The following ACSM3 variants were observed in gnomAD, a reference collection of about 807,000 sequenced individuals.
ACSM3 encodes the protein acyl-CoA synthetase medium chain family member 3.
A neutral mutation model predicts 74.1 loss-of-function variants in ACSM3; 61 were observed. The ratio of observed to expected loss-of-function variants is 0.82; its 90% CI spans 0.67 to 1.02. The LOEUF is 1.02. ACSM3 is among the 50% of genes least tolerant of loss of function. ACSM3 has a pLI of 0.00. For missense variants in ACSM3, 660 were observed against 697.0 expected (o/e 0.95, Z 0.60); for synonymous variants, 213 against 241.5 (o/e 0.88, Z 1.09).
chr16:20,729,130 C>A, intron 1 of ACSM3: 1 of 516,522 alleles, frequency 1.9e-6, no homozygotes, highest in Non-Finnish European at 3.6e-6. Flanking sequence ...AAATAATTTC[C>A]TTTAGAAGTA....
intron 8 of ACSM3, among the ~76,000 whole-genome samples, chr16:20,785,814 T>C (rs1435671631): frequency 6.6e-6 from 1 of 152,172 alleles, no homozygotes; most frequent in Non-Finnish European, 1.5e-5. Flanking sequence ...AGAAATAGCA[T>C]AACAAGTATG....
chr16:20,748,589 G>A (rs940910759), intron 1 of ACSM3, among the ~76,000 whole-genome samples: 1 of 152,162 alleles, frequency 6.6e-6, no homozygotes, highest in Admixed American at 6.5e-5. Context: ...CTGCTGTTTT[G>A]TTGTAGCTGT....
At chr16:20,761,854 A>G (rs921185055), upstream of ACSM3, among the ~76,000 whole-genome samples, 2 of 152,206 alleles carry the variant, frequency 1.3e-5, no homozygotes, top group African/African-American at 4.8e-5. Flanking sequence ...CTCTAGGAAC[A>G]CTTGACTGGT....
intron 1 of ACSM3, chr16:20,733,984 G>A (rs2079847599): frequency 6.6e-6 from 1 of 152,116 alleles, no homozygotes; most frequent in Admixed American, 6.6e-5. Flanking sequence ...ATGCTCAAAT[G>A]TCAGTGAAAA....
intron 1 of ACSM3, among the ~76,000 whole-genome samples, chr16:20,695,586 TTATC>T (rs773903857): frequency 1.1e-4 from 17 of 152,232 alleles, no homozygotes; most frequent in East Asian, 9.6e-4. Context: ...TACCTATCTA[TTATC>T]TATCTATCAT....
intron 1 of ACSM3, chr16:20,725,541 T>A (rs569230390): frequency 1.2e-5 from 2 of 160,064 alleles, no homozygotes; most frequent in Admixed American, 1.3e-4. Flanking sequence ...ACTTTCTGAG[T>A]CTTACCACTA....
At chr16:20,778,887 A>T (rs2080293124) in intron 4 of ACSM3, among the ~76,000 whole-genome samples, 1 of 151,958 alleles carries the variant, frequency 6.6e-6, no homozygotes, top group South Asian at 2.1e-4. Context: ...AGTAGTTGGG[A>T]TTACAGGCAC....
intron 4 of ACSM3, 105 bp downstream of exon 4, chr16:20,777,685 G>A (rs946764078): frequency 1.0e-5 from 10 of 983,546 alleles, no homozygotes; most frequent in South Asian, 4.7e-5. Context: ...AAAACAACAG[G>A]CAAAGGGAAC....
intron 2 of ACSM3, among the ~76,000 whole-genome samples, chr16:20,772,630 G>T (rs1320879233): frequency 6.6e-6 from 1 of 152,172 alleles, no homozygotes; most frequent in East Asian, 1.9e-4. Context: ...TTTCCTCAGT[G>T]TATGTTCTTG....
At chr16:20,741,780 T>C (rs757178510) in intron 1 of ACSM3, 9 of 1,549,622 alleles carry the variant, frequency 5.8e-6, no homozygotes, top group Non-Finnish European at 7.8e-6. Flanking sequence ...GTTTCTCCGC[T>C]GCTGTTGGCG....
intron 2 of ACSM3, among the ~76,000 whole-genome samples, chr16:20,771,277 C>G (rs932012524): frequency 2.0e-5 from 3 of 151,878 alleles, no homozygotes; most frequent in Non-Finnish European, 4.4e-5. Flanking sequence ...GCCAGGCTGA[C>G]CTTGAACTCC....
intron 1 of ACSM3, among the ~76,000 whole-genome samples, chr16:20,743,165 C>A (rs1391404677): frequency 6.6e-6 from 1 of 151,976 alleles, no homozygotes; most frequent in Non-Finnish European, 1.5e-5. Flanking sequence ...GTCTCAATCT[C>A]CTGACCTCGT....
rs556320271 is a variant in ACSM3, at chr16:20,687,863, C to T, written c.-190+13041C>T. 5.9e-5 allele frequency among the ~76,000 whole-genome samples: 9 copies of T among 152,242 alleles called. No homozygotes were observed. In the South Asian group the frequency reaches 1.4e-3, roughly 25 times the overall value. On this transcript the variant is annotated intron_variant, in intron 1 of 3. Coordinates refer to the ACSM3 transcript ENST00000561584. ...CTTTGGGAGGCCGAGGCTACCGGAT[C>T]ACTTGAGGTCAGGAGTTTGAGACCA...
intron 1 of ACSM3, among the ~76,000 whole-genome samples, chr16:20,677,520 A>G (rs1217641652): frequency 6.6e-6 from 1 of 152,208 alleles, no homozygotes; most frequent in Non-Finnish European, 1.5e-5. Flanking sequence ...CTTGCTCCTC[A>G]TCAAGTCAGT....
At chr16:20,736,127 A>G (rs1444228480) in intron 1 of ACSM3, 1 of 152,252 alleles carries the variant, frequency 6.6e-6, no homozygotes, top group Non-Finnish European at 1.5e-5. Context: ...CAGACAATGC[A>G]CAATGGGACA....
intron 2 of ACSM3, among the ~76,000 whole-genome samples, chr16:20,775,060 A>G (rs2080239456): frequency 6.6e-6 from 1 of 151,982 alleles, no homozygotes; most frequent in Non-Finnish European, 1.5e-5. Context: ...TGGGGTGTAG[A>G]GTGCTGTGTG....
chr16:20,754,574 A>C (rs973773892), intron 2 of ACSM3, among the ~76,000 whole-genome samples: 2 of 152,268 alleles, frequency 1.3e-5, no homozygotes, highest in African/African-American at 2.4e-5. Flanking sequence ...TTCACCCTAT[A>C]AACACCCTCC....
At chr16:20,678,643 T>TAC (rs2079367188) in intron 1 of ACSM3, among the ~76,000 whole-genome samples, 1 of 152,240 alleles carries the variant, frequency 6.6e-6, no homozygotes, top group Admixed American at 6.5e-5. Flanking sequence ...TGCCTCTAAC[T>TAC]CTAAGATCTC....
intron 1 of ACSM3, among the ~76,000 whole-genome samples, chr16:20,765,702 A>G (rs1345588011): frequency 1.3e-5 from 2 of 152,230 alleles, no homozygotes; most frequent in East Asian, 1.9e-4. Flanking sequence ...CAAGTGTTCA[A>G]TAAATACACG....
Sources: allele counts gnomAD v4.1 joint callset (sites outside exome capture counted in the v4.1 genomes callset), GRCh38; gene constraint gnomAD v4.1.1; transcripts MANE v1.5; gene names NCBI Gene and HGNC (gene_info 2026-07-23, HGNC 2026-07-21).